KIAA0825: variants seen among roughly 807,000 people sequenced by gnomAD.
KIAA0825 encodes the protein uncharacterized protein KIAA0825.
KIAA0825 carries 119 observed loss-of-function variants against 147.6 expected under a neutral mutation model. That is an observed-to-expected ratio of 0.81 (90% confidence interval 0.69 to 0.94). The LOEUF (loss-of-function observed/expected upper bound fraction) is 0.94. Among genes scored for constraint, KIAA0825 ranks in the 40% least tolerant of loss-of-function variants. The probability of loss-of-function intolerance (pLI) is 0.00; values close to 1 mark genes in which losing one functional copy is unlikely to be tolerated. For missense variants in KIAA0825, 1,381 were observed against 1,472.7 expected, an observed-to-expected ratio of 0.94 and a Z score of 1.02; for synonymous variants, 470 against 518.1, an observed-to-expected ratio of 0.91 and a Z score of 1.26.
intron 11 of KIAA0825, among the ~76,000 whole-genome samples, 190 bp downstream of exon 11, chr5:94,464,679 G>T (rs1225788468): frequency 6.6e-6 from 1 of 152,088 alleles, no homozygotes; most frequent in East Asian, 1.9e-4. Flanking sequence ...GGAATAAAAA[G>T]AACAAACGTA....
intron 19 of KIAA0825, 91 bp downstream of exon 19, chr5:94,386,151 C>T: frequency 1.7e-6 from 2 of 1,154,092 alleles, no homozygotes; most frequent in Non-Finnish European, 2.4e-6. Flanking sequence ...GCAAAATAAG[C>T]TTATGAGTAA....
intron 5 of KIAA0825, among the ~76,000 whole-genome samples, chr5:94,491,471 G>C (rs1584666689): frequency 6.6e-6 from 1 of 152,090 alleles, no homozygotes; most frequent in East Asian, 1.9e-4. Flanking sequence ...AAGAAGCACT[G>C]GGCCTCCTCA....
intron 5 of KIAA0825, among the ~76,000 whole-genome samples, chr5:94,516,600 G>A (rs369184479): frequency 3.4e-5 from 5 of 147,298 alleles, no homozygotes; most frequent in African/African-American, 1.3e-4. Context: ...TCAGGAGATC[G>A]AGACCACGGT....
intron 2 of KIAA0825, among the ~76,000 whole-genome samples, chr5:94,556,075 C>T (rs1584879552): frequency 6.7e-6 from 1 of 148,328 alleles, no homozygotes; most frequent in African/African-American, 2.5e-5. Context: ...TTTTTTGAGA[C>T]AGAGTCTCAC....
At chr5:94,305,662 G>A (rs1236589531) in intron 20 of KIAA0825, among the ~76,000 whole-genome samples, 2 of 151,932 alleles carry the variant, frequency 1.3e-5, no homozygotes, top group African/African-American at 2.4e-5. Context: ...AAATATGCAA[G>A]GAGGCAGTTT....
chr5:94,202,001 A>G (rs913306599), intron 20 of KIAA0825, among the ~76,000 whole-genome samples: 3 of 152,196 alleles, frequency 2.0e-5, no homozygotes, highest in African/African-American at 7.2e-5. Context: ...GATGATGGGT[A>G]GAGGATGAGA....
At chr5:94,598,724 A>G (rs1178602385) in intron 1 of KIAA0825, among the ~76,000 whole-genome samples, 1 of 152,144 alleles carries the variant, frequency 6.6e-6, no homozygotes, top group African/African-American at 2.4e-5. Context: ...TACACTACAT[A>G]TGACAGCTAT....
At chr5:94,372,685 C>T (rs940329043) in intron 20 of KIAA0825, among the ~76,000 whole-genome samples, 13 of 152,156 alleles carry the variant, frequency 8.5e-5, no homozygotes, top group African/African-American at 2.4e-4. Flanking sequence ...TGTAATGGGA[C>T]GGGCTGCCGT....
At chr5:94,219,319 T>TG (rs2150060222) in intron 20 of KIAA0825, among the ~76,000 whole-genome samples, 1 of 152,216 alleles carries the variant, frequency 6.6e-6, no homozygotes, top group South Asian at 2.1e-4. Context: ...AATCTAATGT[T>TG]GCCGCTGATC....
At position 94,500,742 on chromosome 5, in the gene KIAA0825, C is replaced by T. The variant is rs79122939; in HGVS notation, c.971-15812G>A. 2.6e-3 allele frequency among the ~76,000 whole-genome samples: 389 copies of T among 152,144 alleles called. 3 individuals carry two copies. The highest frequency in any genetic ancestry group is 9.0e-3 in the African/African-American group (374 of 41,498). ...CATCATGATAAACAAAAGAGATCTC[C>T]GGATACTTTATTATTTTAATTTCAT... On this transcript the variant is annotated intron_variant, in intron 5 of 20. Transcript: ENST00000682413.
intron 20 of KIAA0825, among the ~76,000 whole-genome samples, chr5:94,174,051 C>G (rs9968691): frequency 0.11 from 16,235 of 152,202 alleles, 968 homozygotes; most frequent in Middle Eastern, 0.14. Context: ...TAAGATACTT[C>G]GCTTGATCTC....
At chr5:94,611,407 A>C (rs534520202) in intron 1 of KIAA0825, among the ~76,000 whole-genome samples, 17 of 152,222 alleles carry the variant, frequency 1.1e-4, no homozygotes, top group Admixed American at 1.0e-3. Context: ...CATGTATCTG[A>C]AACAAAAATA....
At chr5:94,444,162 C>T (rs905891477) in intron 13 of KIAA0825, among the ~76,000 whole-genome samples, 2 of 152,108 alleles carry the variant, frequency 1.3e-5, no homozygotes, top group Non-Finnish European at 2.9e-5. Context: ...TGCTTTCTAT[C>T]GCAATAACTA....
rs574539113 is a variant in KIAA0825, at chr5:94,512,361, T to C, written c.970+7887A>G. 2.7e-4 allele frequency among the ~76,000 whole-genome samples: 41 copies of C among 152,200 alleles called. 1 individual carries two copies. In the South Asian group the frequency reaches 4.4e-3, roughly 16 times the overall value. The stretch of plus-strand genomic sequence containing the variant: ...ATATTCAACGTTTATAATAGCCCAT[T>C]GGAAAAATGACTATATATTAAGCAA... On this transcript the variant is annotated intron_variant, in intron 5 of 20. Coordinates refer to ENST00000682413, the MANE Select transcript of KIAA0825 (RefSeq NM_001145678.3).
chr5:94,230,442 T>C (rs949459867), intron 20 of KIAA0825, among the ~76,000 whole-genome samples: 4 of 152,216 alleles, frequency 2.6e-5, no homozygotes, highest in Admixed American at 2.0e-4. Context: ...TCTGGAATTC[T>C]GTTGGGCGAA....
chr5:94,607,725 A>T (rs1235626763), intron 1 of KIAA0825, among the ~76,000 whole-genome samples: 1 of 152,220 alleles, frequency 6.6e-6, no homozygotes, highest in Non-Finnish European at 1.5e-5. Context: ...ATTATCTTAC[A>T]GTTGTCTAGG....
intron 2 of KIAA0825, among the ~76,000 whole-genome samples, chr5:94,570,928 T>C (rs1260947981): frequency 6.6e-6 from 1 of 152,206 alleles, no homozygotes; most frequent in African/African-American, 2.4e-5. Context: ...TACCATGTCA[T>C]ACTTAGTTAT....
At chr5:94,551,338 C>T (rs981447446) in intron 2 of KIAA0825, among the ~76,000 whole-genome samples, 1 of 151,968 alleles carries the variant, frequency 6.6e-6, no homozygotes, top group Non-Finnish European at 1.5e-5. Flanking sequence ...CTGGGAGAGA[C>T]GTGAACATCC....
chr5:94,610,544 G>A lies in KIAA0825; in HGVS notation c.-153+7956C>T, dbSNP rs183535030. Among the ~76,000 whole-genome samples, 144 of 149,914 alleles carry A rather than the reference G, an allele frequency of 9.6e-4. 1 individual carries two copies. The highest frequency in any genetic ancestry group is 3.5e-3 in the Middle Eastern group (1 of 284). On this transcript the variant is annotated intron_variant, in intron 1 of 20. Coordinates refer to ENST00000682413, the MANE Select transcript of KIAA0825 (RefSeq NM_001145678.3). The stretch of plus-strand genomic sequence containing the variant: ...TTTGGGAGGCTGAGGCAGGCAGATT[G>A]CCTGAGCTCAGAGTTCAAGACCAGC...
Sources: gnomAD v4.1 joint callset for allele counts (sites outside exome capture counted in the v4.1 genomes callset) on GRCh38, gnomAD v4.1.1 for gene constraint, MANE v1.5 for transcripts, NCBI Gene and HGNC (gene_info 2026-07-23, HGNC 2026-07-21) for gene names.